Variants in ARMC8 observed in about 807,000 individuals in gnomAD.
ARMC8 encodes the protein armadillo repeat containing 8.
Under a neutral mutation model 99.3 loss-of-function variants are expected in ARMC8, and 20 were observed. The observed-to-expected ratio is 0.20, with a 90% CI of 0.14 to 0.29. The LOEUF is 0.29. Ranked by LOEUF, ARMC8 falls within the 10% of genes least tolerant of loss-of-function variation. The pLI, the probability that ARMC8 is intolerant of heterozygous loss-of-function variation, is 1.00. For synonymous variants in ARMC8, 263 were observed against 278.3 expected, an observed-to-expected ratio of 0.95 and a Z score of 0.55; for missense variants, 569 against 809.5, an observed-to-expected ratio of 0.70 and a Z score of 3.60.
chr3:138,277,893 A>G (rs182173867), intron 18 of ARMC8, among the ~76,000 whole-genome samples: 114 of 151,228 alleles, frequency 7.5e-4, no homozygotes, highest in African/African-American at 2.7e-3. Flanking sequence ...TGGTGCATTC[A>G]TATAATGGGA....
At chr3:138,288,659 G>A (rs1233321027) in intron 19 of ARMC8, among the ~76,000 whole-genome samples, 2 of 120,456 alleles carry the variant, frequency 1.7e-5, no homozygotes, top group African/African-American at 6.1e-5. Flanking sequence ...TTTTTTTTGA[G>A]ACGGAGTCTC....
At chr3:138,201,569 C>T (rs935143133) in intron 1 of ARMC8, among the ~76,000 whole-genome samples, 2 of 148,178 alleles carry the variant, frequency 1.3e-5, no homozygotes, top group Non-Finnish European at 3.0e-5. Context: ...TCAAGCGATT[C>T]TCGTGCCTCA....
At chr3:138,225,109 CT>C (rs34843565) in intron 5 of ARMC8, among the ~76,000 whole-genome samples, 5,292 of 113,512 alleles carry the variant, frequency 0.047, 218 homozygotes, top group African/African-American at 0.16. Context: ...TTTCTTCTGG[CT>C]TTTTTTTTTT....
chr3:138,200,106 T>C (rs565829623), intron 1 of ARMC8, among the ~76,000 whole-genome samples: 1 of 152,302 alleles, frequency 6.6e-6, no homozygotes, highest in South Asian at 2.1e-4. Context: ...CATTCATAGA[T>C]AAGTTAACTG....
At chr3:138,287,979 A>G (rs947905632) in intron 19 of ARMC8, 2 of 174,514 alleles carry the variant, frequency 1.1e-5, no homozygotes, top group Non-Finnish European at 2.5e-5. Context: ...CTTTCAGTAC[A>G]TAAAGCAAAA....
chr3:138,250,698 A>G (rs2047082792), intron 12 of ARMC8, among the ~76,000 whole-genome samples: 1 of 152,174 alleles, frequency 6.6e-6, no homozygotes, highest in Non-Finnish European at 1.5e-5. Context: ...CATGGATGTC[A>G]TTTCTTCAGA....
rs2051451018 is a variant in ARMC8 at position 138,295,995 on chromosome 3, C to T, written c.*103C>T. On this transcript the variant is annotated 3_prime_UTR_variant, in exon 22 of 22. Coordinates refer to ENST00000469044, the MANE Select transcript of ARMC8 (RefSeq NM_001363941.2). ...TTCTATTTGCACAAGTCACCTTGGA[C>T]TGCAGGGAGCTGTTTTGCAAAAGCA... 2 of 1,252,376 alleles carry T rather than the reference C, an allele frequency of 1.6e-6. No homozygotes were observed. The highest frequency in any genetic ancestry group is 1.5e-5 in the African/African-American group (1 of 66,462). The allele number at this position is 1,252,376 out of a possible 1,614,324, so 77.6% of individuals were successfully genotyped here. A position where few individuals can be genotyped will look rare whatever the true frequency, so the allele number is the denominator to read the frequency against.
Position 138,296,914 on chromosome 3 carries a change from T to C in ARMC8, c.*1022T>C, listed in dbSNP as rs1204347807. The C allele has an allele frequency of 1.3e-5, 2 of 152,168 alleles. No individual in the cohort carries two copies. The highest frequency in any genetic ancestry group is 2.9e-5 in the Non-Finnish European group (2 of 68,034). 9.4% of individuals were successfully genotyped at this position (152,168 alleles called of 1,614,324 possible). The stretch of plus-strand genomic sequence containing the variant: ...CAGATTTAGAACCAGTCATGGAAAC[T>C]TGTGCTCAAACTAAAAGTAGGTCAT... On this transcript the variant is annotated 3_prime_UTR_variant, in exon 22 of 22. Coordinates refer to ENST00000469044, the MANE Select transcript of ARMC8 (RefSeq NM_001363941.2).
At chr3:138,232,181 G>T (rs1329994546) in intron 6 of ARMC8, among the ~76,000 whole-genome samples, 1 of 151,244 alleles carries the variant, frequency 6.6e-6, no homozygotes, top group Non-Finnish European at 1.5e-5. Context: ...TCACCATGTT[G>T]GCCAGGCTGG....
At chr3:138,253,963 AAAG>A (rs1329906481) in intron 12 of ARMC8, among the ~76,000 whole-genome samples, 3 of 152,226 alleles carry the variant, frequency 2.0e-5, no homozygotes, top group Admixed American at 2.0e-4. Flanking sequence ...CCTCTCTTAT[AAAG>A]AAGTTTATTT....
At chr3:138,275,981 A>G (rs2049253816) in intron 18 of ARMC8, among the ~76,000 whole-genome samples, 1 of 152,212 alleles carries the variant, frequency 6.6e-6, no homozygotes, top group Admixed American at 6.5e-5. Context: ...AAAATAAACC[A>G]TTGTACTTTG....
chr3:138,213,471 C>T (rs976802600), intron 2 of ARMC8, among the ~76,000 whole-genome samples: 1 of 152,112 alleles, frequency 6.6e-6, no homozygotes, highest in African/African-American at 2.4e-5. Context: ...TCTAAAAGAG[C>T]AAAATTTCAT....
intron 21 of ARMC8, among the ~76,000 whole-genome samples, chr3:138,293,845 A>T (rs1363170579): frequency 6.6e-6 from 1 of 152,240 alleles, no homozygotes; most frequent in African/African-American, 2.4e-5. Context: ...CCTTACCAGC[A>T]TCAAGTGGGA....
chr3:138,267,370 A>G, intron 15 of ARMC8, 129 bp downstream of exon 15: 1 of 562,690 alleles, frequency 1.8e-6, no homozygotes, highest in African/African-American at 1.9e-5. Flanking sequence ...GTTTGATTGC[A>G]TAGCGGTAGG....
At chr3:138,245,491 T>C in intron 12 of ARMC8, 1 of 1,271,652 alleles carries the variant, frequency 7.9e-7, no homozygotes, top group South Asian at 2.6e-5. Flanking sequence ...ATTCTAGCAC[T>C]GTGAAGCTTC....
chr3:138,276,441 A>G (rs902239072), intron 18 of ARMC8, among the ~76,000 whole-genome samples: 1 of 152,198 alleles, frequency 6.6e-6, no homozygotes, highest in African/African-American at 2.4e-5. Flanking sequence ...CTCCTGTTCA[A>G]CATTGTGCTG....
intron 1 of ARMC8, among the ~76,000 whole-genome samples, chr3:138,195,906 A>G (rs149895173): frequency 1.1e-3 from 163 of 152,184 alleles, no homozygotes; most frequent in African/African-American, 3.6e-3. Context: ...ATTTCAGAGG[A>G]ATGAAGAGTT....
rs2043141206 is a variant in ARMC8 at position 138,187,698 on chromosome 3, C to T, written c.45+99C>T. ...TGGTGTGCCTCCTGGGCACCACCCC[C>T]TGGGGTGGACCCCGGCTCAGTCTCG... On this transcript the variant is annotated intron_variant, in intron 1 of 21. Transcript: ENST00000469044. 4 of 1,285,884 alleles carry T rather than the reference C, an allele frequency of 3.1e-6. No individual in the cohort carries two copies. In the African/African-American group the frequency reaches 4.4e-5, roughly 14 times the overall value. 79.7% of individuals were successfully genotyped at this position (1,285,884 alleles called of 1,614,324 possible). A position where few individuals can be genotyped will look rare whatever the true frequency, so the allele number is the denominator to read the frequency against.
intron 12 of ARMC8, among the ~76,000 whole-genome samples, chr3:138,255,579 T>C (rs886130482): frequency 2.2e-4 from 33 of 150,778 alleles, no homozygotes; most frequent in African/African-American, 8.1e-4. Flanking sequence ...AATGAAAGAG[T>C]GAGAGGAGGG....
Sources: gnomAD v4.1 joint callset for allele counts (sites outside exome capture counted in the v4.1 genomes callset) on GRCh38, gnomAD v4.1.1 for gene constraint, MANE v1.5 for transcripts, NCBI Gene and HGNC (gene_info 2026-07-23, HGNC 2026-07-21) for gene names.